PLEKHG4B: variants seen among roughly 807,000 people sequenced by gnomAD.
The protein encoded by PLEKHG4B is pleckstrin homology domain-containing family G member 4B.
In PLEKHG4B, 111 loss-of-function variants were observed where a neutral mutation model predicts 121.3. The observed-to-expected ratio is 0.92, with a 90% CI of 0.78 to 1.07. The LOEUF is 1.07. Ranked by LOEUF, PLEKHG4B falls within the 50% of genes least tolerant of loss-of-function variation. The probability of loss-of-function intolerance (pLI) is 0.00; values close to 1 mark genes in which losing one functional copy is unlikely to be tolerated. For synonymous variants in PLEKHG4B, 738 were observed against 725.0 expected (o/e 1.02, Z -0.29); for missense variants, 1,831 against 1,757.8 (o/e 1.04, Z -0.74).
chr5:162,497 C>G (rs183390065), intron 12 of PLEKHG4B, among the ~76,000 whole-genome samples: 1 of 152,244 alleles, frequency 6.6e-6, no homozygotes, highest in Non-Finnish European at 1.5e-5. Flanking sequence ...ACATCCCCCA[C>G]GGTGCCCTCT....
In PLEKHG4B at chr5:182,108, A is replaced by T. The variant is rs1276937218; in HGVS notation, c.4669A>T (p.Ser1557Cys). The stretch of plus-strand genomic sequence containing the variant: ...AGACAGCAGCACCTCCTCTTCTAGC[A>T]GCCAGTCCTCCTCCATCCTGGGGTC... ...ISDSSTSSSS[S>C]QSSSILGSLG... Residue 1557 changes from serine to cysteine, a missense_variant, in exon 20 of 20, where the codon AGC becomes TGC. Ser to Cys is a moderately radical substitution (Grantham distance 112). Coordinates refer to ENST00000637938, the MANE Select transcript of PLEKHG4B (RefSeq NM_052909.5). The T allele has an allele frequency of 6.2e-7, 1 of 1,614,018 alleles. No homozygotes were observed. Among genetic ancestry groups the T allele is most frequent in the Non-Finnish European group, 8.5e-7 (1 of 1,180,042 alleles).
At chr5:152,820 G>A (rs1174153547) in intron 7 of PLEKHG4B, among the ~76,000 whole-genome samples, 2 of 152,214 alleles carry the variant, frequency 1.3e-5, no homozygotes, top group Admixed American at 6.5e-5. Flanking sequence ...CATGGGGGCA[G>A]ATGCTGTTCT....
In PLEKHG4B at chr5:162,740, C is replaced by T. The variant is rs777959079; in HGVS notation, c.2668C>T (p.Pro890Ser). ...CCCACAGGTGAGCAGCTGGATGGGG[C>T]CCCTGGACCCGGAGGCTTGTCCCTC... ...LCETVSSWMG[P>S]LDPEACPSSP... The change falls in exon 13 of 20, where the codon CCC becomes TCC. Residue 890 changes from proline (P) to serine (S), a missense_variant. Transcript: ENST00000637938. 7.5e-6 allele frequency: 11 copies of T among 1,457,298 alleles called. No homozygotes were observed. Among genetic ancestry groups the T allele is most frequent in the Admixed American group, 2.8e-5 (1 of 36,088 alleles). 90.3% of individuals were successfully genotyped at this position (1,457,298 alleles called of 1,614,324 possible).
At chr5:116,130 A>G (rs1258836112) in intron 2 of PLEKHG4B, among the ~76,000 whole-genome samples, 1 of 152,182 alleles carries the variant, frequency 6.6e-6, no homozygotes, top group African/African-American at 2.4e-5. Flanking sequence ...GAACGCTTAG[A>G]TGCCATTGCA....
intron 2 of PLEKHG4B, among the ~76,000 whole-genome samples, chr5:117,615 G>A (rs1379515165): frequency 2.0e-5 from 3 of 152,200 alleles, no homozygotes; most frequent in African/African-American, 4.8e-5. Flanking sequence ...CACTTTGGGA[G>A]GCCGAGGAGG....
chr5:170,962 C>T (rs1487107619), intron 14 of PLEKHG4B, 81 bp from the exon 15 acceptor site: 1 of 1,206,728 alleles, frequency 8.3e-7, no homozygotes, highest in Non-Finnish European at 1.2e-6. Context: ...GGAGCAGTTC[C>T]AAGTCTGACC....
chr5:112,391 T>C lies in PLEKHG4B; in HGVS notation c.46-860T>C, dbSNP rs548263365. ...TGTGTGATTAGCTATTCAGAGGTGT[T>C]TCTCATGTAACTGTCGTGCCATTAT... On this transcript the variant is annotated intron_variant, in intron 1 of 19. Transcript: ENST00000637938. Among the ~76,000 whole-genome samples, 75 of 152,380 alleles carry C rather than the reference T, an allele frequency of 4.9e-4. 1 individual carries two copies. Among genetic ancestry groups the C allele is most frequent in the African/African-American group, 1.8e-3 (74 of 41,594 alleles).
rs1426252641 is a variant in PLEKHG4B at position 140,382 on chromosome 5, G to A, written c.1143G>A (p.Leu381=). Residue 381 remains leucine, a synonymous_variant, in exon 3 of 20, where the codon CTG becomes CTA. Transcript: ENST00000637938. ...TCGGGGACCTGGCCTGCAGCTCCCT[G>A]ACTGGAGCCAGCAGGGACCTGGGGA... ...EALGDLACSS[L]TGASRDLGTG... is the part of the protein sequence containing the mutation. 1.3e-6 allele frequency: 2 copies of A among 1,552,620 alleles called. No homozygotes were observed. Among genetic ancestry groups the A allele is most frequent in the African/African-American group, 1.4e-5 (1 of 73,304 alleles).
At chr5:181,897 A>G in intron 19 of PLEKHG4B, 107 bp from the exon 20 acceptor site, 1 of 1,361,170 alleles carries the variant, frequency 7.3e-7, no homozygotes, top group African/African-American at 1.4e-5. Context: ...GCATGACTGC[A>G]GTGGCAAAGC....
chr5:144,904 C>A lies in PLEKHG4B; in HGVS notation c.1889C>A (p.Ala630Asp). Residue 630 changes from alanine to aspartate, a missense_variant, in exon 6 of 20, where the codon GCC (alanine) becomes GAC (aspartate). Physicochemically the swap from Ala to Asp is moderately radical, Grantham distance 126. Transcript: ENST00000637938. Reference sequence around the variant, plus strand: ...CCAGCTGCCCCTGCCGTCTCCCAGGCCCTCTCAGGATTGCAGGTACGGCAA... The same window carrying A: ...CCAGCTGCCCCTGCCGTCTCCCAGGACCTCTCAGGATTGCAGGTACGGCAA... ...RSPAAPAVSQ[A>D]LSGLQNNTSP... is the part of the protein sequence containing the mutation. 1 of 1,613,232 alleles carries A rather than the reference C, an allele frequency of 6.2e-7. No individual in the cohort carries two copies. Among genetic ancestry groups the A allele is most frequent in the Middle Eastern group, 1.7e-4 (1 of 6,056 alleles).
At chr5:144,478 C>T (rs1735337301) in intron 5 of PLEKHG4B, among the ~76,000 whole-genome samples, 1 of 152,162 alleles carries the variant, frequency 6.6e-6, no homozygotes, top group African/African-American at 2.4e-5. Context: ...ACGTTAAAGC[C>T]CAAATAAATG....
chr5:116,765 T>C (rs1734319514), intron 2 of PLEKHG4B, among the ~76,000 whole-genome samples: 3 of 152,194 alleles, frequency 2.0e-5, no homozygotes, highest in Admixed American at 1.3e-4. Context: ...GCCACTTTGG[T>C]TTATTAGACT....
At chr5:143,349 C>T (rs1417624140) in intron 4 of PLEKHG4B, 31 bp from the exon 5 acceptor site, 3 of 1,608,848 alleles carry the variant, frequency 1.9e-6, no homozygotes, top group Admixed American at 1.7e-5. Flanking sequence ...GAGTGAAGCC[C>T]TTGGCAGCTG....
At chr5:175,247 C>A (rs890481480) in intron 18 of PLEKHG4B, among the ~76,000 whole-genome samples, 12 of 152,012 alleles carry the variant, frequency 7.9e-5, no homozygotes, top group Non-Finnish European at 7.4e-5. Flanking sequence ...GGGCCCTCCC[C>A]AGAGCACTCA....
At position 137,134 on chromosome 5, in the gene PLEKHG4B, G is replaced by C. The variant is rs1315277604; in HGVS notation, c.244-2349G>C. Among the ~76,000 whole-genome samples the C allele has an allele frequency of 6.6e-6, 1 of 152,184 alleles. No homozygotes were observed. The highest frequency in any genetic ancestry group is 1.5e-5 in the Non-Finnish European group (1 of 68,026). On this transcript the variant is annotated intron_variant, in intron 2 of 19. Transcript: ENST00000637938. The surrounding 1 kb of genome is among the most constrained non-coding windows in gnomAD (Gnocchi z 4.2). Reference sequence around the variant, plus strand: ...CACATGTGGCATGGATAGACCTTGAGGATACTGTGCCAATGGATAGGAGCC... The same window carrying C: ...CACATGTGGCATGGATAGACCTTGACGATACTGTGCCAATGGATAGGAGCC...
chr5:94,072 A>G (rs1733553832), intron 1 of PLEKHG4B, among the ~76,000 whole-genome samples: 1 of 152,176 alleles, frequency 6.6e-6, no homozygotes, highest in Non-Finnish European at 1.5e-5. Context: ...TACTCATTCT[A>G]TAGATAGTGG....
intron 2 of PLEKHG4B, among the ~76,000 whole-genome samples, chr5:131,934 T>C (rs924500164): frequency 6.6e-6 from 1 of 152,106 alleles, no homozygotes; most frequent in Admixed American, 6.5e-5. Context: ...ATCATCTCAA[T>C]TGATGCAGAA....
intron 2 of PLEKHG4B, among the ~76,000 whole-genome samples, chr5:134,059 A>C (rs1410584354): frequency 7.9e-6 from 1 of 126,000 alleles, no homozygotes; most frequent in Non-Finnish European, 1.6e-5. Flanking sequence ...ATATGATAGA[A>C]TATATATATA....
At chr5:130,007 A>G (rs1734732579) in intron 2 of PLEKHG4B, among the ~76,000 whole-genome samples, 1 of 152,218 alleles carries the variant, frequency 6.6e-6, no homozygotes, top group African/African-American at 2.4e-5. Flanking sequence ...AAATGTCTGT[A>G]TAGGTTTTCC....
Sources: gnomAD v4.1 joint callset for allele counts (sites outside exome capture counted in the v4.1 genomes callset) on GRCh38, gnomAD v4.1.1 for gene constraint, Gnocchi (gnomAD v3.1) non-coding constraint, MANE v1.5 for transcripts, NCBI Gene and HGNC (gene_info 2026-07-23, HGNC 2026-07-21) for gene names.